Variants in ANKRD11 observed in about 807,000 individuals in gnomAD.
ANKRD11 encodes ankyrin repeat domain 11, also known as ankyrin repeat domain-containing protein 11.
Under a neutral mutation model 195.7 loss-of-function variants are expected in ANKRD11, and 17 were observed. The ratio of observed to expected loss-of-function variants is 0.09; its 90% CI spans 0.06 to 0.13. ANKRD11 has a LOEUF of 0.13. ANKRD11 is among the 10% of genes least tolerant of loss of function. The pLI is 1.00. For missense variants in ANKRD11, 3,735 were observed against 3,566.1 expected (o/e 1.05, Z -1.21); for synonymous variants, 1,953 against 1,528.1 (o/e 1.28, Z -6.49).
chr16:89,314,095 G>A (rs929910524), intron 3 of ANKRD11, among the ~76,000 whole-genome samples: 4 of 152,162 alleles, frequency 2.6e-5, no homozygotes, highest in Non-Finnish European at 4.4e-5. Context: ...GTAGCGGTCT[G>A]CTCCTGTGGT....
chr16:89,332,730 C>T (rs2038131729), intron 2 of ANKRD11, among the ~76,000 whole-genome samples: 1 of 152,226 alleles, frequency 6.6e-6, no homozygotes, highest in African/African-American at 2.4e-5. Flanking sequence ...ACTGCCCTCT[C>T]TGAGGAAAGT....
At chr16:89,315,839 C>A (rs889101800) in intron 3 of ANKRD11, among the ~76,000 whole-genome samples, 2 of 152,150 alleles carry the variant, frequency 1.3e-5, no homozygotes, top group East Asian at 3.8e-4. Flanking sequence ...TGGTTATGTT[C>A]GCGTGTGGAA....
chr16:89,472,958 G>A (rs2057137311), intron 1 of ANKRD11, among the ~76,000 whole-genome samples: 1 of 152,110 alleles, frequency 6.6e-6, no homozygotes, highest in Non-Finnish European at 1.5e-5. Flanking sequence ...GGGAGGCTGA[G>A]GCAGGAGGAT....
intron 2 of ANKRD11, among the ~76,000 whole-genome samples, chr16:89,355,967 TTGGGAGGCTGAGG>T (rs1194035674): frequency 6.6e-6 from 1 of 151,986 alleles, no homozygotes; most frequent in African/African-American, 2.4e-5. Flanking sequence ...CAGAAATGAG[TTGGGAGGCTGAGG>T]TGGGAGGATC....
At chr16:89,315,103 C>A (rs1179644912) in intron 3 of ANKRD11, among the ~76,000 whole-genome samples, 1 of 152,226 alleles carries the variant, frequency 6.6e-6, no homozygotes, top group Non-Finnish European at 1.5e-5. Flanking sequence ...CGCCTCCACA[C>A]TCTCGGGGTG....
At chr16:89,322,554 G>C (rs1051190893) in intron 2 of ANKRD11, among the ~76,000 whole-genome samples, 2 of 152,212 alleles carry the variant, frequency 1.3e-5, no homozygotes, top group South Asian at 4.1e-4. Flanking sequence ...AAAGGGGAGG[G>C]AAGCCCTTCA....
intron 1 of ANKRD11, among the ~76,000 whole-genome samples, chr16:89,464,053 A>T (rs2056796283): frequency 6.6e-6 from 1 of 152,188 alleles, no homozygotes; most frequent in African/African-American, 2.4e-5. Context: ...AGCCTGGCCA[A>T]CATGGTGAAA....
At chr16:89,305,177 T>C (rs2036108637) in intron 4 of ANKRD11, 29 bp downstream of exon 4, 1 of 1,606,940 alleles carries the variant, frequency 6.2e-7, no homozygotes. Flanking sequence ...TGTGGAGGGC[T>C]GACTGCAGGA....
intron 2 of ANKRD11, among the ~76,000 whole-genome samples, chr16:89,357,642 A>C (rs1567695692): frequency 6.6e-6 from 1 of 152,204 alleles, no homozygotes; most frequent in Non-Finnish European, 1.5e-5. Flanking sequence ...ACAGAGAAGC[A>C]GAATGCGTCT....
In ANKRD11 at chr16:89,281,033, G is replaced by T; in HGVS notation, c.5509C>A (p.Pro1837Thr). 6.3e-7 allele frequency: 1 copy of T among 1,598,722 alleles called. No homozygotes were observed. Among genetic ancestry groups the T allele is most frequent in the African/African-American group, 1.3e-5 (1 of 74,504 alleles). Residue 1837 changes from proline to threonine, a missense_variant, in exon 9 of 13, where the codon CCG becomes ACG. Transcript: ENST00000301030. This position sits in a 1 kb window ranked among gnomAD's most constrained non-coding sequence, Gnocchi z 5.5. Reference protein sequence around the residue: ...PSMEDRAPLPPVPAEKFACLS... With the variant: ...PSMEDRAPLPTVPAEKFACLS... ...CAGGCAAACTTCTCCGCGGGAACCGGGGGCAGGGGCGCCCTGTCTTCCATC... is the reference window on the plus strand; with the variant it reads ...CAGGCAAACTTCTCCGCGGGAACCGTGGGCAGGGGCGCCCTGTCTTCCATC...
At position 89,312,242 on chromosome 16, in the gene ANKRD11, C is replaced by A. The variant is rs80280056; in HGVS notation, c.87+4691G>T. ...ACGTGATGTGAGAACCTGAGGAGCT[C>A]GGCGTTCACAGCATCAGGTAAGCCT... On this transcript the variant is annotated intron_variant, in intron 3 of 12. Transcript: ENST00000301030. Among the ~76,000 whole-genome samples the A allele has an allele frequency of 4.1e-3, 625 of 152,294 alleles. 9 individuals carry two copies. The highest frequency in any genetic ancestry group is 0.033 in the South Asian group (158 of 4,828).
intron 3 of ANKRD11, among the ~76,000 whole-genome samples, chr16:89,314,387 G>A (rs542122186): frequency 1.5e-4 from 23 of 152,104 alleles, no homozygotes; most frequent in African/African-American, 2.7e-4. Flanking sequence ...AGCTCGCATC[G>A]ACATTATCAG....
At chr16:89,278,422 T>C (rs1474019380) in intron 9 of ANKRD11, 3 of 421,676 alleles carry the variant, frequency 7.1e-6, no homozygotes, top group East Asian at 1.4e-4. Flanking sequence ...GAGGGATCTA[T>C]TTTGGGCCCA....
intron 2 of ANKRD11, chr16:89,324,266 T>TA (rs2037554240): frequency 2.4e-6 from 3 of 1,238,514 alleles, no homozygotes; most frequent in Non-Finnish European, 3.1e-6. Flanking sequence ...CTGTGGAACA[T>TA]ACAGGAGCCC....
chr16:89,324,245 T>TAGC lies in ANKRD11; in HGVS notation c.-59-7168_-59-7167insGCT, dbSNP rs1185152522. 4 of 1,208,908 alleles carry TAGC rather than the reference T, an allele frequency of 3.3e-6. No individual in the cohort carries two copies. The Admixed American group carries it at 1.3e-4, about 38-fold the overall frequency. The allele number at this position is 1,208,908 out of a possible 1,614,324, so 74.9% of individuals were successfully genotyped here. On this transcript the variant is annotated intron_variant, in intron 2 of 12. Transcript: ENST00000301030. ...CTGCTTTGCCCCTCAGACACATGCT[T>TAGC]GGTCACTGGGCTGTGGAACATACAG... is the stretch of plus-strand genomic sequence containing the variant.
intron 3 of ANKRD11, chr16:89,313,648 G>A (rs947155067): frequency 3.2e-6 from 4 of 1,261,620 alleles, no homozygotes; most frequent in Admixed American, 4.6e-5. Flanking sequence ...GGAGTTTATG[G>A]TAGAAGACTG....
At chr16:89,444,470 G>A (rs1284105622) in intron 1 of ANKRD11, among the ~76,000 whole-genome samples, 4 of 151,780 alleles carry the variant, frequency 2.6e-5, no homozygotes, top group African/African-American at 7.3e-5. Flanking sequence ...GGGGGGTGGA[G>A]TGGAGGGAGG....
At chr16:89,313,598 A>G in intron 3 of ANKRD11, 1 of 1,289,020 alleles carries the variant, frequency 7.8e-7, no homozygotes, top group Non-Finnish European at 1.0e-6. Flanking sequence ...ATCTAAAAAT[A>G]TATTGTTTTT....
intron 1 of ANKRD11, among the ~76,000 whole-genome samples, chr16:89,432,755 G>A (rs1423675382): frequency 6.6e-6 from 1 of 151,822 alleles, no homozygotes; most frequent in Non-Finnish European, 1.5e-5. Flanking sequence ...GACCAGCCTG[G>A]GCAACACAAT....
Sources: gnomAD v4.1 joint callset for allele counts (sites outside exome capture counted in the v4.1 genomes callset) on GRCh38, gnomAD v4.1.1 for gene constraint, Gnocchi (gnomAD v3.1) non-coding constraint, MANE v1.5 for transcripts, NCBI Gene and HGNC (gene_info 2026-07-23, HGNC 2026-07-21) for gene names.